Variants in WDPCP observed in about 807,000 individuals in gnomAD.
WDPCP encodes the protein WD repeat-containing and planar cell polarity effector protein fritz homolog.
In WDPCP, 71 loss-of-function variants were observed where a neutral mutation model predicts 93.1. That is an observed-to-expected ratio of 0.76 (90% CI 0.63 to 0.93). The LOEUF is 0.93. Ranked by LOEUF, WDPCP falls within the 40% of genes least tolerant of loss-of-function variation. The probability of loss-of-function intolerance (pLI) is 0.00; values close to 1 mark genes in which losing one functional copy is unlikely to be tolerated. For synonymous variants in WDPCP, 315 were observed against 315.0 expected (o/e 1.00, Z 0.00); for missense variants, 844 against 887.4 (o/e 0.95, Z 0.62).
At chr2:63,839,495 T>C in the WDPCP span, among the ~76,000 whole-genome samples, 9 of 152,166 alleles carry the variant, frequency 5.9e-5, no homozygotes, top group African/African-American at 1.9e-4. Context: ...GAGGCGGAGG[T>C]TGCAGTGAGC....
rs746258939 is a variant in WDPCP, at chr2:63,120,415, G to A, written c.*1591C>T. Among the ~76,000 whole-genome samples, 11 of 151,722 alleles carry A rather than the reference G, an allele frequency of 7.3e-5. No individual in the cohort carries two copies. Among genetic ancestry groups the A allele is most frequent in the Admixed American group, 1.3e-4 (2 of 15,232 alleles). ...AAATGGGAAGTAGAAAGAAAAATTT[G>A]AAGTATAAAAGCCTTCAGTCTGATT... On this transcript the variant is annotated 3_prime_UTR_variant, in exon 18 of 18. Transcript: ENST00000272321.
chr2:63,672,651 A>T (rs1393267970), intron 2 of WDPCP, among the ~76,000 whole-genome samples: 1 of 151,228 alleles, frequency 6.6e-6, no homozygotes, highest in African/African-American at 2.4e-5. Context: ...TTTTTTTGAG[A>T]TAGGGTCTCA....
At chr2:63,623,904 C>T (rs1709778241) in intron 3 of WDPCP, among the ~76,000 whole-genome samples, 1 of 152,194 alleles carries the variant, frequency 6.6e-6, no homozygotes, top group African/African-American at 2.4e-5. Context: ...CCACATTGCA[C>T]TTATTCTAAA....
intron 2 of WDPCP, among the ~76,000 whole-genome samples, chr2:63,809,715 A>G (rs1670833125): frequency 6.6e-6 from 1 of 151,936 alleles, no homozygotes; most frequent in Non-Finnish European, 1.5e-5. Context: ...TGAAGGCAGC[A>G]TGCTCGTTAA....
chr2:63,590,399 A>G (rs539840322), upstream of WDPCP: 16 of 152,190 alleles, frequency 1.1e-4, 1 homozygote, highest in African/African-American at 3.6e-4. Flanking sequence ...TTTTATTTTT[A>G]TAGGGACCAC....
At chr2:63,588,936 T>C, upstream of WDPCP, 1 of 1,532,172 alleles carries the variant, frequency 6.5e-7, no homozygotes, top group Non-Finnish European at 9.0e-7. Context: ...GCGGAGCCTT[T>C]TCTCGCTAAC....
intron 2 of WDPCP, among the ~76,000 whole-genome samples, chr2:63,797,620 GA>G (rs1315654577): frequency 2.0e-5 from 3 of 151,670 alleles, no homozygotes; most frequent in African/African-American, 7.3e-5. Context: ...GAAAAAAAAA[GA>G]AAAGAAAATA....
chr2:63,479,164 A>G (rs1700130406), intron 6 of WDPCP, among the ~76,000 whole-genome samples: 1 of 152,168 alleles, frequency 6.6e-6, no homozygotes, highest in Non-Finnish European at 1.5e-5. Flanking sequence ...TGAACAGACC[A>G]GTAACAGGCA....
chr2:63,705,699 G>C (rs542160702), intron 2 of WDPCP, among the ~76,000 whole-genome samples: 1 of 150,984 alleles, frequency 6.6e-6, no homozygotes, highest in East Asian at 1.9e-4. Context: ...TATTTGCTGA[G>C]GAGTGCTTTA....
At chr2:63,589,395 G>A (rs1330025585), upstream of WDPCP, 2 of 1,550,158 alleles carry the variant, frequency 1.3e-6, no homozygotes, top group Admixed American at 2.0e-5. Flanking sequence ...GTTTGCGATG[G>A]GAGGGAAAGG....
chr2:63,575,220 C>T (rs912861327), intron 1 of WDPCP, among the ~76,000 whole-genome samples: 14 of 150,562 alleles, frequency 9.3e-5, no homozygotes, highest in Non-Finnish European at 1.6e-4. Context: ...TAGAAATAGT[C>T]TAGAAATGTA....
intron 14 of WDPCP, among the ~76,000 whole-genome samples, chr2:63,196,815 C>G (rs1313799415): frequency 6.6e-6 from 1 of 152,172 alleles, no homozygotes; most frequent in Admixed American, 6.5e-5. Context: ...GTGCCTCCGA[C>G]TATGAGTAGT....
chr2:63,395,971 C>T (rs1031099661), intron 10 of WDPCP, among the ~76,000 whole-genome samples: 5 of 152,184 alleles, frequency 3.3e-5, no homozygotes, highest in South Asian at 2.1e-4. Flanking sequence ...TCAGGTGATC[C>T]GCCCACCTCG....
At chr2:63,234,650 T>G (rs887825995) in intron 14 of WDPCP, among the ~76,000 whole-genome samples, 1 of 152,158 alleles carries the variant, frequency 6.6e-6, no homozygotes, top group Non-Finnish European at 1.5e-5. Flanking sequence ...GAAGAATCAT[T>G]TTTCTCTGTG....
At chr2:63,382,158 A>T in intron 10 of WDPCP, 64 bp from the exon 11 acceptor site, 1 of 1,510,786 alleles carries the variant, frequency 6.6e-7, no homozygotes, top group East Asian at 2.4e-5. Flanking sequence ...AAAAAGAGTT[A>T]ATTTTTCCAT....
intron 10 of WDPCP, among the ~76,000 whole-genome samples, chr2:63,384,042 C>T (rs1307840200): frequency 1.3e-5 from 2 of 151,924 alleles, no homozygotes; most frequent in Non-Finnish European, 2.9e-5. Context: ...GGAAAATCCC[C>T]AAATATTTAG....
chr2:63,593,528 G>A (rs1393051963), upstream of WDPCP: 7 of 470,568 alleles, frequency 1.5e-5, no homozygotes, highest in South Asian at 6.2e-5. Flanking sequence ...TCCTTGTTTC[G>A]TCTCAGAGAC....
At chr2:63,816,521 G>A (rs904854239) in intron 1 of WDPCP, among the ~76,000 whole-genome samples, 2 of 152,162 alleles carry the variant, frequency 1.3e-5, no homozygotes, top group Admixed American at 1.3e-4. Flanking sequence ...CAGAGGCAGA[G>A]ACTGGAGTTA....
chr2:63,793,512 C>G (rs1670573886), intron 2 of WDPCP, among the ~76,000 whole-genome samples: 1 of 152,062 alleles, frequency 6.6e-6, no homozygotes, highest in Admixed American at 6.6e-5. Flanking sequence ...CTGGGAGGCC[C>G]AGGTGGGAAG....
Sources: allele counts gnomAD v4.1 joint callset (sites outside exome capture counted in the v4.1 genomes callset), GRCh38; gene constraint gnomAD v4.1.1; transcripts MANE v1.5; gene names NCBI Gene and HGNC (gene_info 2026-07-23, HGNC 2026-07-21).